The following DOCK3 variants were observed in gnomAD, a reference collection of about 807,000 sequenced individuals.
The protein encoded by DOCK3 is dedicator of cytokinesis 3.
In DOCK3, 60 loss-of-function variants were observed where a neutral mutation model predicts 265.6. The ratio of observed to expected loss-of-function variants is 0.23; its 90% confidence interval spans 0.18 to 0.28. The LOEUF (loss-of-function observed/expected upper bound fraction) is 0.28, where lower values mean the gene tolerates loss of function less well. Ranked by LOEUF, DOCK3 falls within the 10% of genes least tolerant of loss-of-function variation. DOCK3 has a pLI of 1.00. For synonymous variants in DOCK3, 881 were observed against 938.0 expected (o/e 0.94, Z 1.11); for missense variants, 1,981 against 2,594.3 (o/e 0.76, Z 5.14).
chr3:50,901,639 G>A (rs973449425), intron 4 of DOCK3: 2 of 453,724 alleles, frequency 4.4e-6, no homozygotes, highest in African/African-American at 2.0e-5. Flanking sequence ...TGGATTGCGA[G>A]GACCATGGGA....
intron 3 of DOCK3, chr3:50,877,544 T>G: frequency 1.9e-5 from 10 of 520,106 alleles, no homozygotes; most frequent in South Asian, 1.4e-4. Flanking sequence ...ATACTGACTG[T>G]GTTGACATAC....
chr3:51,136,666 C>T (rs1306763006), intron 9 of DOCK3, among the ~76,000 whole-genome samples: 1 of 152,020 alleles, frequency 6.6e-6, no homozygotes, highest in Non-Finnish European at 1.5e-5. Context: ...GCATTTAGCT[C>T]GGTTTCTGCA....
At chr3:50,897,258 G>A (rs748308178) in intron 4 of DOCK3, among the ~76,000 whole-genome samples, 4 of 152,078 alleles carry the variant, frequency 2.6e-5, no homozygotes, top group Non-Finnish European at 4.4e-5. Context: ...TTTTGAATGG[G>A]AGTTCACTCA....
chr3:50,844,832 A>G (rs1027376411), intron 3 of DOCK3, among the ~76,000 whole-genome samples: 24 of 152,288 alleles, frequency 1.6e-4, no homozygotes, highest in African/African-American at 5.3e-4. Context: ...AACTTACTTT[A>G]GTTTTATAAT....
intron 9 of DOCK3, among the ~76,000 whole-genome samples, chr3:51,102,004 ACTT>A (rs1156476823): frequency 1.3e-5 from 2 of 152,226 alleles, no homozygotes; most frequent in Non-Finnish European, 2.9e-5. Flanking sequence ...CCTTTCTTGA[ACTT>A]CTTTTAAAAA....
At chr3:50,920,664 G>A (rs1437660482) in intron 4 of DOCK3, among the ~76,000 whole-genome samples, 5 of 151,796 alleles carry the variant, frequency 3.3e-5, no homozygotes, top group Non-Finnish European at 5.9e-5. Context: ...TCTTGCTAAC[G>A]GTCTGTCAAT....
chr3:50,693,530 C>CTTTTTTTTTTTTTTTTTTTTTTTTTTT, intron 1 of DOCK3, among the ~76,000 whole-genome samples: 1 of 64,262 alleles, frequency 1.6e-5, no homozygotes, highest in East Asian at 5.0e-4. Context: ...ATTTCCTTTC[C>CTTTTTTTTTTTTTTTTTTTTTTTTTTT]TTTTTTTTTT....
At chr3:50,809,604 T>C (rs890141549) in intron 2 of DOCK3, among the ~76,000 whole-genome samples, 1 of 152,214 alleles carries the variant, frequency 6.6e-6, no homozygotes, top group African/African-American at 2.4e-5. Context: ...AAAATGTTAG[T>C]ATCAGCTTTG....
At position 50,890,089 on chromosome 3, in the gene DOCK3, AT is replaced by A; in HGVS notation, c.218+10del. On this transcript the variant is annotated intron_variant, in intron 4 of 52. Coordinates refer to ENST00000266037, the MANE Select transcript of DOCK3 (RefSeq NM_004947.5). ...AATTGTCAGTAATAGGGGGTGAGTA[AT>A]TGGCCTTACTAAATTTATGTACAAT... The A allele has an allele frequency of 7.0e-7, 1 of 1,428,856 alleles. No individual in the cohort carries two copies. Among genetic ancestry groups the A allele is most frequent in the Non-Finnish European group, 9.1e-7 (1 of 1,103,494 alleles). 88.5% of individuals were successfully genotyped at this position (1,428,856 alleles called of 1,614,324 possible).
At chr3:50,930,796 G>A (rs1286820628) in intron 4 of DOCK3, among the ~76,000 whole-genome samples, 1 of 152,214 alleles carries the variant, frequency 6.6e-6, no homozygotes, top group Admixed American at 6.5e-5. Context: ...ACAGCCTCTT[G>A]CAGAGGCCCA....
chr3:51,309,722 C>T (rs2082952604), intron 27 of DOCK3, among the ~76,000 whole-genome samples: 1 of 152,234 alleles, frequency 6.6e-6, no homozygotes, highest in Non-Finnish European at 1.5e-5. Flanking sequence ...CTTGGATTGT[C>T]ACAAGCCTTT....
chr3:51,300,319 T>A (rs2082305351), intron 27 of DOCK3, among the ~76,000 whole-genome samples: 2 of 152,224 alleles, frequency 1.3e-5, no homozygotes, highest in African/African-American at 4.8e-5. Context: ...ACAATGGGGT[T>A]TTCTAGATAT....
At chr3:51,036,595 T>C (rs1200648584) in intron 5 of DOCK3, among the ~76,000 whole-genome samples, 1 of 152,210 alleles carries the variant, frequency 6.6e-6, no homozygotes, top group Non-Finnish European at 1.5e-5. Flanking sequence ...CTTCATACTA[T>C]ACCGTACTCT....
intron 51 of DOCK3, chr3:51,379,634 A>G: frequency 5.1e-6 from 5 of 985,374 alleles, no homozygotes; most frequent in Non-Finnish European, 6.0e-6. Context: ...CAAGGGCCAC[A>G]GCAACAGCCA....
intron 5 of DOCK3, among the ~76,000 whole-genome samples, chr3:51,009,416 T>C (rs1479843314): frequency 1.3e-5 from 2 of 152,236 alleles, no homozygotes; most frequent in Non-Finnish European, 2.9e-5. Context: ...GAGGTGTTTA[T>C]AGTATTCTCT....
intron 1 of DOCK3, among the ~76,000 whole-genome samples, chr3:50,774,609 AT>A (rs35487928): frequency 6.8e-4 from 103 of 151,636 alleles, no homozygotes; most frequent in African/African-American, 2.0e-3. Context: ...ATTCTTTTGG[AT>A]TTTTTTTACA....
intron 5 of DOCK3, among the ~76,000 whole-genome samples, chr3:50,972,825 A>G (rs2077282066): frequency 6.7e-6 from 1 of 149,106 alleles, no homozygotes; most frequent in Non-Finnish European, 1.5e-5. Flanking sequence ...TTTGTAGTGT[A>G]TTTTGAAATC....
intron 2 of DOCK3, among the ~76,000 whole-genome samples, chr3:50,818,306 A>G (rs1167853166): frequency 1.3e-5 from 2 of 152,078 alleles, no homozygotes; most frequent in Non-Finnish European, 2.9e-5. Context: ...TTGAATTCCT[A>G]ATATTTTCTG....
In DOCK3 at chr3:50,914,005, G is replaced by A. The variant is rs1456956620; in HGVS notation, c.219-19976G>A. Among the ~76,000 whole-genome samples, 3 of 151,892 alleles carry A rather than the reference G, an allele frequency of 2.0e-5. 1 individual carries two copies. Among genetic ancestry groups the A allele is most frequent in the African/African-American group, 7.3e-5 (3 of 41,278 alleles). On this transcript the variant is annotated intron_variant, in intron 4 of 52. Transcript: ENST00000266037. Reference sequence around the variant, plus strand: ...TTGCGGGGAGAGGACAGTTGATGGAGCCTTGTATTCTGGCATCTTGCTTTG... The same window carrying A: ...TTGCGGGGAGAGGACAGTTGATGGAACCTTGTATTCTGGCATCTTGCTTTG...
Sources: allele counts gnomAD v4.1 joint callset (sites outside exome capture counted in the v4.1 genomes callset), GRCh38; gene constraint gnomAD v4.1.1; transcripts MANE v1.5; gene names NCBI Gene and HGNC (gene_info 2026-07-23, HGNC 2026-07-21).